Variants in PDE3A observed in about 807,000 individuals in gnomAD.
PDE3A encodes the protein phosphodiesterase 3A, also known as cGMP-inhibited 3',5'-cyclic phosphodiesterase 3A.
PDE3A carries 43 observed loss-of-function variants against 98.3 expected under a neutral mutation model. The observed-to-expected ratio is 0.44, with a 90% CI of 0.34 to 0.56. The LOEUF is 0.56. Among genes scored for constraint, PDE3A ranks in the 20% least tolerant of loss-of-function variants. The pLI is 0.01. For synonymous variants in PDE3A, 663 were observed against 567.9 expected, an observed-to-expected ratio of 1.17 and a Z score of -2.38; for missense variants, 1,427 against 1,440.7, an observed-to-expected ratio of 0.99 and a Z score of 0.15.
chr12:20,606,552 C>G (rs1337125809), intron 2 of PDE3A, among the ~76,000 whole-genome samples: 2 of 151,958 alleles, frequency 1.3e-5, no homozygotes, highest in African/African-American at 2.4e-5. Flanking sequence ...TTTTTGCCCA[C>G]TAGTAATAAA....
In PDE3A at chr12:20,565,394, A is replaced by G. The variant is rs541968963; in HGVS notation, c.1011+8684A>G. ...ATCTTGTTTTTTATTAATCCTGACA[A>G]CATACCCTAAAAGGGAAGTTCTGTG... On this transcript the variant is annotated intron_variant, in intron 2 of 15. Coordinates refer to ENST00000359062, the MANE Select transcript of PDE3A (RefSeq NM_000921.5). Among the ~76,000 whole-genome samples, 42 of 152,136 alleles carry G rather than the reference A, an allele frequency of 2.8e-4. No individual in the cohort carries two copies. The South Asian group carries it at 8.3e-3, about 30-fold the overall frequency.
At chr12:20,409,854 C>T (rs985867572) in intron 1 of PDE3A, among the ~76,000 whole-genome samples, 6 of 152,120 alleles carry the variant, frequency 3.9e-5, no homozygotes, top group African/African-American at 2.4e-5. Context: ...TCAGCAAATT[C>T]CTTAGCTTTT....
At chr12:20,627,652 A>T (rs1944295917) in intron 5 of PDE3A, among the ~76,000 whole-genome samples, 1 of 149,836 alleles carries the variant, frequency 6.7e-6, no homozygotes, top group African/African-American at 2.5e-5. Context: ...TACTCTGTGC[A>T]TTGTTTTCTT....
chr12:20,485,624 A>G (rs1324958211), intron 1 of PDE3A, among the ~76,000 whole-genome samples: 1 of 152,178 alleles, frequency 6.6e-6, no homozygotes, highest in Non-Finnish European at 1.5e-5. Flanking sequence ...AGATTTCATA[A>G]TGAACTCTCT....
chr12:20,566,104 T>C (rs1385227003), intron 2 of PDE3A, among the ~76,000 whole-genome samples: 1 of 151,976 alleles, frequency 6.6e-6, no homozygotes, highest in Non-Finnish European at 1.5e-5. Context: ...TGGAATAATA[T>C]TAGCGATATT....
intron 1 of PDE3A, among the ~76,000 whole-genome samples, chr12:20,526,156 T>C (rs1592019235): frequency 1.3e-5 from 2 of 152,174 alleles, no homozygotes; most frequent in African/African-American, 4.8e-5. Context: ...ACTTGAGGGG[T>C]GAGACATATC....
At chr12:20,525,948 G>A (rs571088455) in intron 1 of PDE3A, among the ~76,000 whole-genome samples, 1 of 152,254 alleles carries the variant, frequency 6.6e-6, no homozygotes, top group South Asian at 2.1e-4. Flanking sequence ...TCATAAATAA[G>A]AGTGAAAAAC....
At chr12:20,440,488 C>T (rs1271743835) in intron 1 of PDE3A, among the ~76,000 whole-genome samples, 1 of 152,102 alleles carries the variant, frequency 6.6e-6, no homozygotes, top group Non-Finnish European at 1.5e-5. Context: ...TAGGCTGTAT[C>T]TTTTTCACGT....
rs74064923 is a variant in PDE3A at position 20,522,225 on chromosome 12, A to T, written c.961-34435A>T. Reference sequence around the variant, plus strand: ...TGTGCTTGCGATACAGTGACCATCAACACAAGGGCCCTGGTCTCCAGGAAC... The same window carrying T: ...TGTGCTTGCGATACAGTGACCATCATCACAAGGGCCCTGGTCTCCAGGAAC... On this transcript the variant is annotated intron_variant, in intron 1 of 15. Transcript: ENST00000359062. Among the ~76,000 whole-genome samples the T allele has an allele frequency of 1.7e-3, 257 of 152,248 alleles. 1 individual carries two copies. Among genetic ancestry groups the T allele is most frequent in the African/African-American group, 5.9e-3 (244 of 41,548 alleles).
At chr12:20,441,323 G>A (rs1173045587) in intron 1 of PDE3A, among the ~76,000 whole-genome samples, 1 of 152,118 alleles carries the variant, frequency 6.6e-6, no homozygotes, top group Non-Finnish European at 1.5e-5. Context: ...GTTCTGAAGG[G>A]TGAGTGGAAT....
intron 1 of PDE3A, among the ~76,000 whole-genome samples, chr12:20,532,738 G>A (rs1941638745): frequency 6.7e-6 from 1 of 149,882 alleles, no homozygotes; most frequent in Non-Finnish European, 1.5e-5. Context: ...ACCCAGGCTG[G>A]AGTGCAGTGG....
At chr12:20,526,499 T>C (rs188933697) in intron 1 of PDE3A, among the ~76,000 whole-genome samples, 22 of 152,202 alleles carry the variant, frequency 1.4e-4, no homozygotes, top group African/African-American at 4.8e-4. Context: ...CATGGAAAAA[T>C]AAAGTAATAT....
chr12:20,678,102 G>A (rs963605636), intron 15 of PDE3A, among the ~76,000 whole-genome samples: 28 of 152,126 alleles, frequency 1.8e-4, no homozygotes, highest in Non-Finnish European at 1.9e-4. Flanking sequence ...ATGATTTCCA[G>A]GCAGCTCTCT....
chr12:20,656,175 C>T (rs754161765), intron 15 of PDE3A, among the ~76,000 whole-genome samples: 14 of 152,160 alleles, frequency 9.2e-5, no homozygotes, highest in Non-Finnish European at 1.9e-4. Context: ...TTAATATCCT[C>T]AAGGTTCTTA....
Position 20,369,531 on chromosome 12 carries a change from G to C in PDE3A, c.247G>C (p.Gly83Arg), listed in dbSNP as rs1943417760. The C allele has an allele frequency of 6.4e-7, 1 of 1,558,570 alleles. No homozygotes were observed. The highest frequency in any genetic ancestry group is 8.7e-7 in the Non-Finnish European group (1 of 1,151,576). ...LLALLVRLVR[G>R]EVGCDLEQCK... ...GGCGCTGCTGGTGAGGCTGGTCCGC[G>C]GGGAGGTCGGCTGTGACCTGGAGCA... is the stretch of plus-strand genomic sequence containing the variant. The change falls in exon 1 of 16, where the codon GGG becomes CGG. Residue 83 changes from glycine to arginine, a missense_variant. Around this residue, in one of 3 missense-constraint regions of PDE3A, gnomAD observed 1,012 missense variants for 886.5 expected, o/e 1.14. Transcript: ENST00000359062.
chr12:20,556,440 C>T (rs1942370553), intron 1 of PDE3A, among the ~76,000 whole-genome samples: 1 of 152,068 alleles, frequency 6.6e-6, no homozygotes, highest in African/African-American at 2.4e-5. Context: ...TCTTTTATCA[C>T]ACAGTGATAT....
chr12:20,657,048 A>G (rs1249490414), intron 15 of PDE3A, among the ~76,000 whole-genome samples: 1 of 152,168 alleles, frequency 6.6e-6, no homozygotes, highest in African/African-American at 2.4e-5. Context: ...ATTATATTAC[A>G]ATTTAAAAAT....
intron 2 of PDE3A, among the ~76,000 whole-genome samples, chr12:20,580,531 G>A (rs902659244): frequency 3.3e-5 from 5 of 152,100 alleles, no homozygotes; most frequent in African/African-American, 1.2e-4. Flanking sequence ...AACCACACTG[G>A]TAATATTAAA....
intron 1 of PDE3A, among the ~76,000 whole-genome samples, chr12:20,491,989 G>GTT (rs76987817): frequency 9.8e-4 from 149 of 151,510 alleles, no homozygotes; most frequent in East Asian, 1.9e-3. Context: ...AGTACAGAGA[G>GTT]TTTTTTTTTG....
Sources: gnomAD v4.1 joint callset for allele counts (sites outside exome capture counted in the v4.1 genomes callset) on GRCh38, gnomAD v4.1.1 for gene constraint, gnomAD v4.1.1 regional missense constraint, MANE v1.5 for transcripts, NCBI Gene and HGNC (gene_info 2026-07-23, HGNC 2026-07-21) for gene names.